The following TMEM132C variants were observed in gnomAD, a reference collection of about 807,000 sequenced individuals.
TMEM132C encodes transmembrane protein 132C, also known as protein phosphatase 1, regulatory subunit 152.
Under a neutral mutation model 61.4 loss-of-function variants are expected in TMEM132C, and 29 were observed. The ratio of observed to expected loss-of-function variants is 0.47; its 90% CI spans 0.35 to 0.64. The LOEUF is 0.64. Among genes scored for constraint, TMEM132C ranks in the 30% least tolerant of loss-of-function variants. The pLI is 0.00. For synonymous variants in TMEM132C, 656 were observed against 633.1 expected (o/e 1.04, Z -0.54); for missense variants, 1,408 against 1,476.9 (o/e 0.95, Z 0.76).
At chr12:128,681,585 C>G (rs888567055) in intron 5 of TMEM132C, among the ~76,000 whole-genome samples, 3 of 151,872 alleles carry the variant, frequency 2.0e-5, no homozygotes, top group Non-Finnish European at 4.4e-5. Flanking sequence ...TTAGCATTCT[C>G]CATACTGATC....
intron 2 of TMEM132C, among the ~76,000 whole-genome samples, chr12:128,440,481 C>T (rs747921174): frequency 1.1e-4 from 17 of 152,222 alleles, no homozygotes; most frequent in South Asian, 2.1e-4. Context: ...GGCCTGCTGC[C>T]ACGGCCCCTG....
chr12:128,657,521 A>G (rs758654946), intron 4 of TMEM132C, among the ~76,000 whole-genome samples: 9 of 151,918 alleles, frequency 5.9e-5, no homozygotes, highest in Non-Finnish European at 1.3e-4. Flanking sequence ...ACCGGGGCTC[A>G]ATCTGATTGG....
intron 2 of TMEM132C, among the ~76,000 whole-genome samples, chr12:128,435,982 A>T (rs1869575178): frequency 6.6e-6 from 1 of 152,246 alleles, no homozygotes; most frequent in African/African-American, 2.4e-5. Context: ...CAGAGGCCTC[A>T]GAAATAACAC....
chr12:128,386,916 G>A (rs1874602298), intron 1 of TMEM132C, among the ~76,000 whole-genome samples: 6 of 152,136 alleles, frequency 3.9e-5, no homozygotes, highest in Admixed American at 2.6e-4. Flanking sequence ...ATCCCTTGAA[G>A]CCAGGAGTTT....
At chr12:128,362,003 T>C (rs1410360065) in intron 1 of TMEM132C, among the ~76,000 whole-genome samples, 7 of 152,002 alleles carry the variant, frequency 4.6e-5, no homozygotes, top group African/African-American at 1.7e-4. Flanking sequence ...ACAAGCAGGT[T>C]GGGGGACTCG....
chr12:128,389,702 T>A (rs1874703718), intron 1 of TMEM132C, among the ~76,000 whole-genome samples: 1 of 152,180 alleles, frequency 6.6e-6, no homozygotes, highest in Non-Finnish European at 1.5e-5. Context: ...TGAGTTGGCA[T>A]AAACATTCCA....
chr12:128,306,327 G>A lies in TMEM132C; in HGVS notation c.85+38840G>A, dbSNP rs939039117. ...TGCCATACTCCTGCCTCAGCCTCCC[G>A]AGTAGCTGGGACTACAGGTGCCCGC... On this transcript the variant is annotated intron_variant, in intron 1 of 8. Coordinates refer to ENST00000435159, the MANE Select transcript of TMEM132C (RefSeq NM_001136103.3). 5.3e-5 allele frequency among the ~76,000 whole-genome samples: 8 copies of A among 150,146 alleles called. No homozygotes were observed. The East Asian group carries it at 5.9e-4, about 11-fold the overall frequency.
chr12:128,683,832 G>T (rs1376201544), intron 5 of TMEM132C, among the ~76,000 whole-genome samples: 1 of 152,106 alleles, frequency 6.6e-6, no homozygotes, highest in Non-Finnish European at 1.5e-5. Flanking sequence ...CAGGCATGGT[G>T]GTGGATGCCT....
rs556493577 is a variant in TMEM132C at position 128,527,402 on chromosome 12, A to C, written c.975-16555A>C. ...AGAGACCAGGGCTCCTTGAGGGGTG[A>C]GTTAGTAGGTCAGCCTCATCAAGTA... On this transcript the variant is annotated intron_variant, in intron 2 of 8. Transcript: ENST00000435159. Among the ~76,000 whole-genome samples, 47 of 152,202 alleles carry C rather than the reference A, an allele frequency of 3.1e-4. No individual in the cohort carries two copies. In the South Asian group the frequency reaches 9.7e-3, roughly 32 times the overall value.
rs575767722 is a variant in TMEM132C, at chr12:128,621,578, G to A, written c.1305+5243G>A. The stretch of plus-strand genomic sequence containing the variant: ...GTGTTGCAGCTGACACCTTGATTTC[G>A]GACTTTCAGCCTGAGGAACTATGAG... On this transcript the variant is annotated intron_variant, in intron 4 of 8. Coordinates refer to ENST00000435159, the MANE Select transcript of TMEM132C (RefSeq NM_001136103.3). Among the ~76,000 whole-genome samples the A allele has an allele frequency of 4.1e-4, 62 of 152,306 alleles. No homozygotes were observed. In the Middle Eastern group the frequency reaches 0.01, roughly 25 times the overall value.
At chr12:128,527,032 G>T (rs61938601) in intron 2 of TMEM132C, among the ~76,000 whole-genome samples, 2 of 152,194 alleles carry the variant, frequency 1.3e-5, no homozygotes, top group African/African-American at 4.8e-5. Context: ...GCACCTCACT[G>T]CCTGACTCCC....
At chr12:128,343,584 T>C (rs924885969) in intron 1 of TMEM132C, among the ~76,000 whole-genome samples, 5 of 152,234 alleles carry the variant, frequency 3.3e-5, no homozygotes, top group African/African-American at 9.6e-5. Context: ...AATCATTTTT[T>C]TCTTTAATAA....
At chr12:128,421,780 A>G (rs1345787225) in intron 2 of TMEM132C, among the ~76,000 whole-genome samples, 2 of 152,168 alleles carry the variant, frequency 1.3e-5, no homozygotes, top group African/African-American at 2.4e-5. Flanking sequence ...ATTTTAAAAA[A>G]TAAAAAATAA....
intron 1 of TMEM132C, among the ~76,000 whole-genome samples, chr12:128,368,760 A>T (rs75593162): frequency 6.6e-6 from 1 of 152,120 alleles, no homozygotes; most frequent in African/African-American, 2.4e-5. Context: ...TATGTTTTTT[A>T]TCTCACATCC....
intron 1 of TMEM132C, among the ~76,000 whole-genome samples, chr12:128,388,194 G>A (rs888231593): frequency 3.9e-5 from 6 of 152,184 alleles, no homozygotes; most frequent in Admixed American, 1.3e-4. Context: ...TTGGGCTGGC[G>A]TGGCCAACCC....
intron 3 of TMEM132C, among the ~76,000 whole-genome samples, chr12:128,608,662 T>C (rs1046237108): frequency 2.0e-5 from 3 of 152,238 alleles, no homozygotes; most frequent in South Asian, 2.1e-4. Context: ...ATTCTCCACA[T>C]TGACAACACA....
rs1367452075 is a variant in TMEM132C at position 128,462,881 on chromosome 12, C to G, written c.974+47261C>G. Among the ~76,000 whole-genome samples the G allele has an allele frequency of 3.9e-5, 6 of 152,316 alleles. No individual in the cohort carries two copies. The East Asian group carries it at 1.2e-3, about 29-fold the overall frequency. ...TGCAAGTACCAGAACTCCCCAATAA[C>G]AGCAGTTTAAACAAATAGTGGGTTG... On this transcript the variant is annotated intron_variant, in intron 2 of 8. Transcript: ENST00000435159.
intron 1 of TMEM132C, among the ~76,000 whole-genome samples, chr12:128,275,278 C>G (rs1454674131): frequency 6.6e-6 from 1 of 152,168 alleles, no homozygotes; most frequent in Non-Finnish European, 1.5e-5. Flanking sequence ...TATAGCTGCT[C>G]CCCATCCCTC....
chr12:128,388,419 C>T, intron 1 of TMEM132C, among the ~76,000 whole-genome samples: 1 of 152,280 alleles, frequency 6.6e-6, no homozygotes, highest in South Asian at 2.1e-4. Flanking sequence ...GTGGCATCTT[C>T]CCTCCCTCTC....
Sources: allele counts gnomAD v4.1 joint callset (sites outside exome capture counted in the v4.1 genomes callset), GRCh38; gene constraint gnomAD v4.1.1; transcripts MANE v1.5; gene names NCBI Gene and HGNC (gene_info 2026-07-23, HGNC 2026-07-21).